NKAIN2: variants seen among roughly 807,000 people sequenced by gnomAD.
NKAIN2 encodes sodium/potassium-transporting ATPase subunit beta-1-interacting protein 2.
NKAIN2 carries 14 observed loss-of-function variants against 32.6 expected under a neutral mutation model. That is an observed-to-expected ratio of 0.43 (90% CI 0.28 to 0.67). The LOEUF (loss-of-function observed/expected upper bound fraction) is 0.67. Ranked by LOEUF, NKAIN2 falls within the 30% of genes least tolerant of loss-of-function variation. The pLI is 0.17. For synonymous variants in NKAIN2, 80 were observed against 87.2 expected (o/e 0.92, Z 0.46); for missense variants, 198 against 258.3 (o/e 0.77, Z 1.60).
chr6:124,012,990 C>T lies in NKAIN2; in HGVS notation c.54+208736C>T, dbSNP rs114823182. On this transcript the variant is annotated intron_variant, in intron 1 of 6. Coordinates refer to ENST00000368417, the MANE Select transcript of NKAIN2 (RefSeq NM_001040214.3). ...TCCAAATATCCTACCTCCCCGCCAA[C>T]ATTTGATATGCTCAGTCTCCTTAAT... Among the ~76,000 whole-genome samples, 1,379 of 152,290 alleles carry T rather than the reference C, an allele frequency of 9.1e-3. 24 individuals are homozygous for T. Among genetic ancestry groups the T allele is most frequent in the African/African-American group, 0.032 (1,311 of 41,564 alleles).
chr6:124,348,761 A>G (rs967586587), intron 2 of NKAIN2, among the ~76,000 whole-genome samples: 3 of 152,228 alleles, frequency 2.0e-5, no homozygotes, highest in African/African-American at 7.2e-5. Context: ...CAGTGGGTGC[A>G]GTGCACCTTG....
chr6:123,943,358 A>G (rs560656089), intron 1 of NKAIN2, among the ~76,000 whole-genome samples: 313 of 152,114 alleles, frequency 2.1e-3, no homozygotes, highest in African/African-American at 7.2e-3. Context: ...GTTTCAAAAC[A>G]TTTTCTTGTG....
intron 2 of NKAIN2, among the ~76,000 whole-genome samples, chr6:124,338,766 T>A (rs1004332674): frequency 3.3e-5 from 5 of 152,106 alleles, no homozygotes; most frequent in African/African-American, 4.8e-5. Flanking sequence ...ATCAGCCAAA[T>A]AACCAAAAAA....
chr6:123,998,218 G>T (rs1582904625), intron 1 of NKAIN2, among the ~76,000 whole-genome samples: 1 of 152,100 alleles, frequency 6.6e-6, no homozygotes, highest in South Asian at 2.1e-4. Flanking sequence ...ATTTAATACA[G>T]GATTTCTCAG....
At chr6:123,892,318 T>A (rs1249974186) in intron 1 of NKAIN2, among the ~76,000 whole-genome samples, 2 of 152,146 alleles carry the variant, frequency 1.3e-5, no homozygotes, top group Non-Finnish European at 2.9e-5. Context: ...GACTGGGTAA[T>A]TTATAAAGAA....
At chr6:124,002,404 G>A (rs1026014342) in intron 1 of NKAIN2, among the ~76,000 whole-genome samples, 2 of 152,028 alleles carry the variant, frequency 1.3e-5, no homozygotes, top group African/African-American at 2.4e-5. Context: ...AAAGAACTAA[G>A]TCCTCATGCT....
intron 1 of NKAIN2, among the ~76,000 whole-genome samples, chr6:124,252,369 C>T (rs1052071878): frequency 9.9e-5 from 15 of 151,748 alleles, no homozygotes; most frequent in East Asian, 3.9e-4. Context: ...ATGTGTTTAG[C>T]GATACAGACA....
intron 3 of NKAIN2, among the ~76,000 whole-genome samples, chr6:124,575,070 C>A (rs993277009): frequency 6.6e-6 from 1 of 152,140 alleles, no homozygotes; most frequent in Non-Finnish European, 1.5e-5. Context: ...GTTTAAATCA[C>A]CTGTAGTTAA....
chr6:124,193,815 G>C (rs1308101495), intron 1 of NKAIN2, among the ~76,000 whole-genome samples: 1 of 152,002 alleles, frequency 6.6e-6, no homozygotes, highest in Admixed American at 6.5e-5. Context: ...GTGTCCTGAG[G>C]AGTGTTCAGG....
intron 1 of NKAIN2, among the ~76,000 whole-genome samples, chr6:123,860,425 A>T (rs911913149): frequency 6.6e-6 from 1 of 152,160 alleles, no homozygotes; most frequent in Non-Finnish European, 1.5e-5. Context: ...TATTATTATT[A>T]TCTGAGACAG....
Position 123,806,733 on chromosome 6 carries a change from G to A in NKAIN2, c.54+2479G>A, listed in dbSNP as rs554400961. On this transcript the variant is annotated intron_variant, in intron 1 of 6. Coordinates refer to ENST00000368417, the MANE Select transcript of NKAIN2 (RefSeq NM_001040214.3). ...TCTCAAGTGTTTAGTATGTGTTCTTGTAACATTTGGGCATCTTTTTTTTGG... is the reference window on the plus strand; with the variant it reads ...TCTCAAGTGTTTAGTATGTGTTCTTATAACATTTGGGCATCTTTTTTTTGG... 3.4e-4 allele frequency among the ~76,000 whole-genome samples: 52 copies of A among 151,914 alleles called. 1 individual carries two copies. Among genetic ancestry groups the A allele is most frequent in the Non-Finnish European group, 5.7e-4 (39 of 67,886 alleles).
intron 2 of NKAIN2, among the ~76,000 whole-genome samples, chr6:124,292,869 TTGAC>T (rs1795881796): frequency 6.6e-6 from 1 of 152,132 alleles, no homozygotes; most frequent in Non-Finnish European, 1.5e-5. Context: ...TTAAACTACA[TTGAC>T]TGATTTTATA....
intron 1 of NKAIN2, among the ~76,000 whole-genome samples, chr6:124,260,493 G>A (rs1794194015): frequency 6.6e-6 from 1 of 152,172 alleles, no homozygotes; most frequent in African/African-American, 2.4e-5. Flanking sequence ...AGGCAGACAG[G>A]ATGGAACATG....
At chr6:124,095,602 A>G (rs957568295) in intron 1 of NKAIN2, among the ~76,000 whole-genome samples, 1 of 152,132 alleles carries the variant, frequency 6.6e-6, no homozygotes, top group African/African-American at 2.4e-5. Context: ...TATATTTTCT[A>G]TTCTGCATAA....
At chr6:124,681,674 A>G (rs1172001168) in intron 4 of NKAIN2, among the ~76,000 whole-genome samples, 1 of 152,020 alleles carries the variant, frequency 6.6e-6, no homozygotes, top group Non-Finnish European at 1.5e-5. Flanking sequence ...CTCTGCTGCT[A>G]TAGATAGGAA....
chr6:124,616,298 G>T (rs1326479617), intron 3 of NKAIN2, among the ~76,000 whole-genome samples: 1 of 151,962 alleles, frequency 6.6e-6, no homozygotes, highest in Non-Finnish European at 1.5e-5. Flanking sequence ...GTTGTTATTT[G>T]CAGGAAGTGT....
intron 2 of NKAIN2, 163 bp downstream of exon 2, chr6:124,283,305 A>G: frequency 1.8e-6 from 1 of 543,912 alleles, no homozygotes; most frequent in Non-Finnish European, 3.2e-6. Flanking sequence ...CATCAACAGT[A>G]ATTGAAAATG....
chr6:124,710,217 C>A (rs1035185559), intron 4 of NKAIN2, among the ~76,000 whole-genome samples: 2 of 151,928 alleles, frequency 1.3e-5, no homozygotes, highest in Admixed American at 1.3e-4. Flanking sequence ...AATCTCTGTT[C>A]TTTTACATTT....
At chr6:124,370,866 A>T (rs1409036659) in intron 3 of NKAIN2, among the ~76,000 whole-genome samples, 1 of 152,080 alleles carries the variant, frequency 6.6e-6, no homozygotes, top group African/African-American at 2.4e-5. Flanking sequence ...CGGAAGGTAC[A>T]CCCAGTACAC....
Sources: allele counts gnomAD v4.1 joint callset (sites outside exome capture counted in the v4.1 genomes callset), GRCh38; gene constraint gnomAD v4.1.1; transcripts MANE v1.5; gene names NCBI Gene and HGNC (gene_info 2026-07-23, HGNC 2026-07-21).